GRID2: variants seen among roughly 807,000 people sequenced by gnomAD.
GRID2 encodes the protein glutamate ionotropic receptor delta type subunit 2.
A neutral mutation model predicts 114.8 loss-of-function variants in GRID2; 33 were observed. That is an observed-to-expected ratio of 0.29 (90% CI 0.22 to 0.38). The LOEUF is 0.38. Ranked by LOEUF, GRID2 falls within the 10% of genes least tolerant of loss-of-function variation. The pLI, the probability that GRID2 is intolerant of heterozygous loss-of-function variation, is 1.00. For missense variants in GRID2, 1,184 were observed against 1,257.7 expected, an observed-to-expected ratio of 0.94 and a Z score of 0.89; for synonymous variants, 505 against 449.9, an observed-to-expected ratio of 1.12 and a Z score of -1.55.
chr4:92,997,833 T>TG (rs777149440), intron 2 of GRID2, among the ~76,000 whole-genome samples: 3 of 152,122 alleles, frequency 2.0e-5, no homozygotes, highest in Non-Finnish European at 4.4e-5. Context: ...CCCTTCATGT[T>TG]GAAAAATATC....
chr4:92,485,343 TA>T (rs1722823897), intron 1 of GRID2, among the ~76,000 whole-genome samples: 4 of 65,724 alleles, frequency 6.1e-5, no homozygotes, highest in Admixed American at 1.6e-4. Flanking sequence ...TATATATATA[TA>T]TATAGTGTGT....
chr4:92,446,992 C>G (rs560598246), intron 1 of GRID2, among the ~76,000 whole-genome samples: 2 of 152,284 alleles, frequency 1.3e-5, no homozygotes, highest in South Asian at 2.1e-4. Context: ...AGCTAGTCAG[C>G]AAGGGTTCAG....
chr4:93,732,893 TG>T (rs1207013955), intron 14 of GRID2, among the ~76,000 whole-genome samples: 4 of 151,284 alleles, frequency 2.6e-5, no homozygotes, highest in Non-Finnish European at 5.9e-5. Flanking sequence ...TTTGCTTTGT[TG>T]TGCATATGTG....
At chr4:93,382,174 A>G (rs1763914163) in intron 8 of GRID2, among the ~76,000 whole-genome samples, 2 of 151,978 alleles carry the variant, frequency 1.3e-5, no homozygotes, top group South Asian at 2.1e-4. Flanking sequence ...GATGTTTTTG[A>G]TATTCTCTTT....
At chr4:93,006,162 C>G (rs900585243) in intron 2 of GRID2, among the ~76,000 whole-genome samples, 1 of 151,998 alleles carries the variant, frequency 6.6e-6, no homozygotes, top group Non-Finnish European at 1.5e-5. Context: ...AGCATAACTA[C>G]CCACAAAAAC....
intron 1 of GRID2, among the ~76,000 whole-genome samples, chr4:93,795,814 G>A (rs1056359207): frequency 1.3e-5 from 2 of 152,224 alleles, no homozygotes; most frequent in African/African-American, 4.8e-5. Context: ...ACCAAAGGTA[G>A]ATTGTTTTGA....
At chr4:92,690,793 G>T (rs1158226963) in intron 2 of GRID2, among the ~76,000 whole-genome samples, 2 of 151,526 alleles carry the variant, frequency 1.3e-5, no homozygotes, top group East Asian at 3.9e-4. Context: ...ATTTTAACAT[G>T]TTCTTAACTG....
At chr4:93,078,422 C>A (rs1197180210) in intron 2 of GRID2, among the ~76,000 whole-genome samples, 1 of 151,724 alleles carries the variant, frequency 6.6e-6, no homozygotes, top group Non-Finnish European at 1.5e-5. Context: ...TATACTCTTG[C>A]CTATTTTGGG....
At chr4:92,428,770 A>G (rs1732288195) in intron 1 of GRID2, among the ~76,000 whole-genome samples, 1 of 152,288 alleles carries the variant, frequency 6.6e-6, no homozygotes, top group African/African-American at 2.4e-5. Flanking sequence ...CACTTCCATG[A>G]TAGTTAAACT....
chr4:92,343,446 A>G (rs890778066), intron 1 of GRID2, among the ~76,000 whole-genome samples: 2 of 152,128 alleles, frequency 1.3e-5, no homozygotes, highest in Non-Finnish European at 2.9e-5. Flanking sequence ...AAATACTCAT[A>G]TAACTTTTTA....
intron 2 of GRID2, among the ~76,000 whole-genome samples, chr4:92,699,021 A>G (rs1048846736): frequency 6.6e-6 from 1 of 152,104 alleles, no homozygotes; most frequent in Non-Finnish European, 1.5e-5. Context: ...ACTGAAATTC[A>G]CTATTTTTCT....
intron 1 of GRID2, among the ~76,000 whole-genome samples, chr4:92,468,978 G>T (rs1049049589): frequency 6.6e-6 from 1 of 152,122 alleles, no homozygotes; most frequent in Non-Finnish European, 1.5e-5. Context: ...AGCAATCATG[G>T]ACCACACACA....
chr4:92,379,669 G>A (rs540037393), intron 1 of GRID2, among the ~76,000 whole-genome samples: 2 of 151,788 alleles, frequency 1.3e-5, no homozygotes, highest in East Asian at 3.9e-4. Flanking sequence ...GAAAGACTAA[G>A]GATGTTAGGC....
At chr4:92,420,822 T>C (rs1237542801) in intron 1 of GRID2, among the ~76,000 whole-genome samples, 1 of 152,104 alleles carries the variant, frequency 6.6e-6, no homozygotes, top group Non-Finnish European at 1.5e-5. Flanking sequence ...GTAGCTGGGA[T>C]TACAGGCACG....
At chr4:93,799,114 A>G (rs1004742405) in intron 1 of GRID2, among the ~76,000 whole-genome samples, 3 of 152,218 alleles carry the variant, frequency 2.0e-5, no homozygotes. Flanking sequence ...AATAGCTTCT[A>G]CAGTTAATAG....
At chr4:93,676,999 GGGGTCAGGGAATTCCCTTTCC>G (rs939187878) in intron 14 of GRID2, among the ~76,000 whole-genome samples, 8 of 104,494 alleles carry the variant, frequency 7.7e-5, no homozygotes, top group African/African-American at 3.6e-4. Context: ...GGAAGCGCAA[GGGGTCAGGGAATTCCCTTTCC>G]TGGTCAAGGA....
intron 2 of GRID2, among the ~76,000 whole-genome samples, chr4:93,079,946 T>C (rs2149316346): frequency 6.6e-6 from 1 of 152,266 alleles, no homozygotes; most frequent in South Asian, 2.1e-4. Context: ...TATTTTCACT[T>C]CCTAAGTAGA....
intron 2 of GRID2, among the ~76,000 whole-genome samples, chr4:92,670,820 T>A (rs557718207): frequency 1.3e-5 from 2 of 152,072 alleles, no homozygotes; most frequent in African/African-American, 4.8e-5. Context: ...AGAGGATAAG[T>A]AGTTGGTCCA....
rs536359009 is a variant in GRID2, at chr4:93,735,136, A to G, written c.2361-34074A>G. 2.6e-5 allele frequency among the ~76,000 whole-genome samples: 4 copies of G among 152,124 alleles called. No individual in the cohort carries two copies. The South Asian group carries it at 8.3e-4, about 32-fold the overall frequency. ...AACCCAGGGCTGTTGGCTCAGTGAG[A>G]TGCTGAATGAGAAATTGTTAAGTAA... On this transcript the variant is annotated intron_variant, in intron 14 of 15. Transcript: ENST00000282020.
Sources: gnomAD v4.1 joint callset for allele counts (sites outside exome capture counted in the v4.1 genomes callset) on GRCh38, gnomAD v4.1.1 for gene constraint, MANE v1.5 for transcripts, NCBI Gene and HGNC (gene_info 2026-07-23, HGNC 2026-07-21) for gene names.